SH3GL2: variants seen among roughly 807,000 people sequenced by gnomAD.
SH3GL2 encodes the protein endophilin-A1.
SH3GL2 carries 24 observed loss-of-function variants against 46.0 expected under a neutral mutation model. The observed-to-expected ratio is 0.52, with a 90% CI of 0.38 to 0.73. SH3GL2 has a LOEUF of 0.73. Among genes scored for constraint, SH3GL2 ranks in the 30% least tolerant of loss-of-function variants. The probability of loss-of-function intolerance (pLI) is 0.00; values close to 1 mark genes in which losing one functional copy is unlikely to be tolerated. For missense variants in SH3GL2, 413 were observed against 424.2 expected (o/e 0.97, Z 0.23); for synonymous variants, 196 against 147.1 (o/e 1.33, Z -2.40).
intron 1 of SH3GL2, among the ~76,000 whole-genome samples, chr9:17,599,410 A>G (rs1057192553): frequency 4.6e-5 from 7 of 152,212 alleles, no homozygotes; most frequent in African/African-American, 1.2e-4. Context: ...TGGCAAGGGT[A>G]CAGTGCCAAA....
chr9:17,668,581 G>C, intron 1 of SH3GL2, among the ~76,000 whole-genome samples: 1 of 152,100 alleles, frequency 6.6e-6, no homozygotes, highest in East Asian at 1.9e-4. Context: ...TTAAGTTATG[G>C]GGGAATTCAC....
intron 1 of SH3GL2, among the ~76,000 whole-genome samples, chr9:17,622,141 T>A (rs904380896): frequency 6.6e-6 from 1 of 152,250 alleles, no homozygotes; most frequent in Non-Finnish European, 1.5e-5. Context: ...TGTAACCTTT[T>A]AATGAATATG....
chr9:17,732,851 C>T (rs952909268), intron 1 of SH3GL2, among the ~76,000 whole-genome samples: 3 of 152,086 alleles, frequency 2.0e-5, no homozygotes, highest in African/African-American at 7.2e-5. Context: ...TTTTTGCACA[C>T]TGAAGTTGCA....
intron 1 of SH3GL2, among the ~76,000 whole-genome samples, chr9:17,661,662 C>G (rs1820218628): frequency 6.6e-6 from 1 of 152,130 alleles, no homozygotes; most frequent in Non-Finnish European, 1.5e-5. Flanking sequence ...TAAAACAAAA[C>G]ATGCCCTTGG....
intron 1 of SH3GL2, among the ~76,000 whole-genome samples, chr9:17,621,419 G>A (rs1023094133): frequency 6.6e-6 from 1 of 152,172 alleles, no homozygotes; most frequent in African/African-American, 2.4e-5. Flanking sequence ...GATGATTTTT[G>A]TGGCACCTTC....
intron 8 of SH3GL2, among the ~76,000 whole-genome samples, chr9:17,795,002 C>T (rs961087693): frequency 5.9e-5 from 9 of 152,120 alleles, no homozygotes; most frequent in Admixed American, 1.3e-4. Flanking sequence ...TATATTATTC[C>T]GTTTTCACCA....
intron 4 of SH3GL2, 98 bp downstream of exon 4, chr9:17,786,622 AT>A (rs1823965336): frequency 7.3e-7 from 1 of 1,370,990 alleles, no homozygotes; most frequent in Non-Finnish European, 1.0e-6. Context: ...ATCATTTTAT[AT>A]TTTGGTTTTC....
chr9:17,791,555 G>C (rs1266823087), intron 7 of SH3GL2, among the ~76,000 whole-genome samples: 1 of 152,098 alleles, frequency 6.6e-6, no homozygotes, highest in African/African-American at 2.4e-5. Context: ...ATCGATACTT[G>C]GATTATATTT....
At chr9:17,744,654 C>T (rs118168664) in intron 1 of SH3GL2, among the ~76,000 whole-genome samples, 1,626 of 152,284 alleles carry the variant, frequency 0.011, 18 homozygotes, top group Middle Eastern at 0.027. Flanking sequence ...AGGTGTGAGC[C>T]ACTGTGCCTG....
chr9:17,628,883 A>G (rs1203403681), intron 1 of SH3GL2, among the ~76,000 whole-genome samples: 1 of 152,194 alleles, frequency 6.6e-6, no homozygotes, highest in Admixed American at 6.5e-5. Flanking sequence ...TAGTATTTTT[A>G]GAAGTAACAC....
At chr9:17,659,593 C>G (rs1292182153) in intron 1 of SH3GL2, among the ~76,000 whole-genome samples, 1 of 152,132 alleles carries the variant, frequency 6.6e-6, no homozygotes, top group African/African-American at 2.4e-5. Flanking sequence ...CCTTGTAACA[C>G]AGTGTTGTAC....
intron 1 of SH3GL2, among the ~76,000 whole-genome samples, chr9:17,662,777 T>G (rs2117899159): frequency 7.3e-6 from 1 of 136,172 alleles, no homozygotes; most frequent in African/African-American, 2.7e-5. Context: ...TGGCACGACC[T>G]CAGCTCACTG....
chr9:17,717,365 A>G (rs1479443022), intron 1 of SH3GL2, among the ~76,000 whole-genome samples: 3 of 152,026 alleles, frequency 2.0e-5, no homozygotes, highest in East Asian at 3.9e-4. Context: ...CCTCCATCCA[A>G]ATTTGTCTAG....
At chr9:17,719,130 T>C (rs1316358177) in intron 1 of SH3GL2, among the ~76,000 whole-genome samples, 2 of 152,132 alleles carry the variant, frequency 1.3e-5, no homozygotes, top group African/African-American at 2.4e-5. Context: ...AATAATATGG[T>C]CTACCTAATC....
At position 17,598,876 on chromosome 9, in the gene SH3GL2, G is replaced by C. The variant is rs557028873; in HGVS notation, c.45+19589G>C. ...TAGTGACTCATCCAAAATAATACACGGTATTAATGGTGGAGGCAGAGTTTG... is the reference window on the plus strand; with the variant it reads ...TAGTGACTCATCCAAAATAATACACCGTATTAATGGTGGAGGCAGAGTTTG... On this transcript the variant is annotated intron_variant, in intron 1 of 8. Transcript: ENST00000380607. Among the ~76,000 whole-genome samples, 17 of 152,144 alleles carry C rather than the reference G, an allele frequency of 1.1e-4. No homozygotes were observed. In the South Asian group the frequency reaches 2.3e-3, roughly 20 times the overall value.
chr9:17,641,031 G>C (rs1007077979), intron 1 of SH3GL2, among the ~76,000 whole-genome samples: 2 of 152,106 alleles, frequency 1.3e-5, no homozygotes, highest in African/African-American at 4.8e-5. Flanking sequence ...GAATCCCTTT[G>C]ATTATAAGCA....
chr9:17,682,056 A>G (rs1820783532), intron 1 of SH3GL2, among the ~76,000 whole-genome samples: 1 of 152,186 alleles, frequency 6.6e-6, no homozygotes, highest in Non-Finnish European at 1.5e-5. Context: ...TTAAAAAGTC[A>G]AGAAACAATA....
chr9:17,705,075 C>T (rs917213864), intron 1 of SH3GL2, among the ~76,000 whole-genome samples: 2 of 151,530 alleles, frequency 1.3e-5, no homozygotes, highest in African/African-American at 2.4e-5. Context: ...TTAAAAAATG[C>T]ACAAAAGACA....
At chr9:17,627,193 A>G (rs1209999990) in intron 1 of SH3GL2, among the ~76,000 whole-genome samples, 2 of 152,190 alleles carry the variant, frequency 1.3e-5, no homozygotes, top group Non-Finnish European at 2.9e-5. Flanking sequence ...TGCTGTTTTT[A>G]TTAGCACTCA....
Sources: gnomAD v4.1 joint callset for allele counts (sites outside exome capture counted in the v4.1 genomes callset) on GRCh38, gnomAD v4.1.1 for gene constraint, MANE v1.5 for transcripts, NCBI Gene and HGNC (gene_info 2026-07-23, HGNC 2026-07-21) for gene names.